Variants in GPHN observed in about 807,000 individuals in gnomAD.
GPHN encodes the protein gephyrin.
GPHN carries 17 observed loss-of-function variants against 95.5 expected under a neutral mutation model. That is an observed-to-expected ratio of 0.18 (90% CI 0.12 to 0.27). The LOEUF (loss-of-function observed/expected upper bound fraction) is 0.27, where lower values mean the gene tolerates loss of function less well. Among genes scored for constraint, GPHN ranks in the 10% least tolerant of loss-of-function variants. The probability of loss-of-function intolerance (pLI) is 1.00; values close to 1 mark genes in which losing one functional copy is unlikely to be tolerated. For missense variants in GPHN, 660 were observed against 978.1 expected (o/e 0.67, Z 4.34); for synonymous variants, 320 against 322.5 (o/e 0.99, Z 0.08).
chr14:66,682,959 A>G (rs916913047), intron 2 of GPHN, among the ~76,000 whole-genome samples: 1 of 152,102 alleles, frequency 6.6e-6, no homozygotes, highest in African/African-American at 2.4e-5. Context: ...AATGTAGAAT[A>G]ACATTCATCA....
chr14:66,957,544 G>GA (rs2068609289), intron 8 of GPHN, among the ~76,000 whole-genome samples: 1 of 152,080 alleles, frequency 6.6e-6, no homozygotes, highest in South Asian at 2.1e-4. Context: ...ATTATGGTCA[G>GA]AAAAAATACA....
chr14:67,445,577 CT>C, the GPHN span, among the ~76,000 whole-genome samples: 139 of 59,932 alleles, frequency 2.3e-3, no homozygotes, highest in East Asian at 0.011. Flanking sequence ...AGAGGCAATT[CT>C]TTTTTTTTTT....
the GPHN span, among the ~76,000 whole-genome samples, chr14:67,407,179 T>C: frequency 6.6e-6 from 1 of 152,094 alleles, no homozygotes; most frequent in Admixed American, 6.6e-5. Context: ...TAGAGTGCTG[T>C]GGTGCGATCT....
At chr14:67,149,049 A>G (rs1315586518) in intron 18 of GPHN, among the ~76,000 whole-genome samples, 1 of 152,114 alleles carries the variant, frequency 6.6e-6, no homozygotes, top group East Asian at 1.9e-4. Flanking sequence ...CAACGCATTG[A>G]AAATAAATTA....
the GPHN span, chr14:67,270,017 A>C: frequency 6.6e-6 from 1 of 152,196 alleles, no homozygotes; most frequent in African/African-American, 2.4e-5. Flanking sequence ...ATGCGTATGA[A>C]GTATATCTCT....
chr14:66,824,297 T>G (rs536289909), intron 3 of GPHN, among the ~76,000 whole-genome samples, 177 bp from the exon 4 acceptor site: 1 of 152,340 alleles, frequency 6.6e-6, no homozygotes, highest in East Asian at 1.9e-4. Context: ...TACTCAAAAT[T>G]TCAGTGCCTT....
the GPHN span, chr14:67,199,976 TG>T: frequency 8.7e-7 from 1 of 1,149,008 alleles, no homozygotes; most frequent in Admixed American, 2.8e-5. Context: ...CATCCAGGGA[TG>T]TCTCAGATGC....
chr14:66,694,235 A>G (rs1480679716), intron 2 of GPHN, among the ~76,000 whole-genome samples: 1 of 152,032 alleles, frequency 6.6e-6, no homozygotes, highest in Non-Finnish European at 1.5e-5. Context: ...TTCCCCTACC[A>G]CCATATGCGA....
chr14:67,313,396 T>C, the GPHN span, among the ~76,000 whole-genome samples: 3 of 152,212 alleles, frequency 2.0e-5, no homozygotes, highest in Non-Finnish European at 4.4e-5. Context: ...TAGCCTGCTG[T>C]ACAGCTAGGC....
chr14:66,675,286 A>T (rs1161201433), intron 1 of GPHN, among the ~76,000 whole-genome samples: 1 of 151,878 alleles, frequency 6.6e-6, no homozygotes, highest in Non-Finnish European at 1.5e-5. Flanking sequence ...TGGGGACTAT[A>T]GGCACGTACC....
intron 9 of GPHN, among the ~76,000 whole-genome samples, chr14:66,967,429 G>A (rs1457952694): frequency 6.6e-6 from 1 of 151,922 alleles, no homozygotes; most frequent in African/African-American, 2.4e-5. Flanking sequence ...TTTAATATCA[G>A]TGACAAATAT....
chr14:66,769,936 A>G (rs2059106680), intron 2 of GPHN, among the ~76,000 whole-genome samples: 1 of 152,004 alleles, frequency 6.6e-6, no homozygotes, highest in African/African-American at 2.4e-5. Flanking sequence ...ATTAATTTAT[A>G]CTCCCACCAA....
intron 5 of GPHN, among the ~76,000 whole-genome samples, chr14:66,905,020 T>G (rs182558836): frequency 6.6e-6 from 1 of 152,216 alleles, no homozygotes; most frequent in Non-Finnish European, 1.5e-5. Context: ...TACCCCTTGA[T>G]CTTCCTCAAC....
At chr14:67,092,740 A>G (rs1390351361) in intron 12 of GPHN, among the ~76,000 whole-genome samples, 3 of 152,196 alleles carry the variant, frequency 2.0e-5, no homozygotes, top group African/African-American at 7.2e-5. Flanking sequence ...AATAATAGGA[A>G]GACCTGTAAA....
rs553318531 is a variant in GPHN at position 66,852,548 on chromosome 14, G to A, written c.295-27391G>A. Among the ~76,000 whole-genome samples, 3 of 152,328 alleles carry A rather than the reference G, an allele frequency of 2.0e-5. No homozygotes were observed. The South Asian group carries it at 6.2e-4, about 32-fold the overall frequency. ...CTTAGTTCCCTGTTATTATTTCTGGGTGGGGAAATTGCTCTCTCTTTTTAT... is the reference window on the plus strand; with the variant it reads ...CTTAGTTCCCTGTTATTATTTCTGGATGGGGAAATTGCTCTCTCTTTTTAT... On this transcript the variant is annotated intron_variant, in intron 4 of 22. Coordinates refer to ENST00000478722, the MANE Select transcript of GPHN (RefSeq NM_020806.5).
chr14:66,919,051 G>C (rs1024279929), intron 6 of GPHN, among the ~76,000 whole-genome samples: 2 of 152,014 alleles, frequency 1.3e-5, no homozygotes, highest in African/African-American at 2.4e-5. Context: ...TTGGTAATAC[G>C]TTATAGATAA....
At chr14:67,716,424 T>A in the GPHN span, among the ~76,000 whole-genome samples, 1 of 152,196 alleles carries the variant, frequency 6.6e-6, no homozygotes, top group Non-Finnish European at 1.5e-5. Flanking sequence ...AGAAAGTTTT[T>A]AAAAAAGTGA....
intron 1 of GPHN, among the ~76,000 whole-genome samples, chr14:66,546,987 T>C (rs73279748): frequency 0.071 from 10,853 of 152,256 alleles, 952 homozygotes; most frequent in African/African-American, 0.2. Context: ...ATTTCTTAAT[T>C]ACTTGGGATA....
chr14:66,953,869 C>T (rs896451872), intron 8 of GPHN, among the ~76,000 whole-genome samples: 2 of 152,038 alleles, frequency 1.3e-5, no homozygotes, highest in Non-Finnish European at 2.9e-5. Flanking sequence ...CCCGTCCCTA[C>T]TAAAAATACA....
Sources: gnomAD v4.1 joint callset for allele counts (sites outside exome capture counted in the v4.1 genomes callset) on GRCh38, gnomAD v4.1.1 for gene constraint, MANE v1.5 for transcripts, NCBI Gene and HGNC (gene_info 2026-07-23, HGNC 2026-07-21) for gene names.